WDHD1: variants seen among roughly 807,000 people sequenced by gnomAD.
The protein encoded by WDHD1 is WD repeat and HMG-box DNA-binding protein 1.
In WDHD1, 111 loss-of-function variants were observed where a neutral mutation model predicts 135.4. That is an observed-to-expected ratio of 0.82 (90% CI 0.70 to 0.96). The LOEUF is 0.96. Ranked by LOEUF, WDHD1 falls within the 40% of genes least tolerant of loss-of-function variation. The pLI is 0.00. For synonymous variants in WDHD1, 434 were observed against 439.0 expected, an observed-to-expected ratio of 0.99 and a Z score of 0.14; for missense variants, 1,351 against 1,336.3, an observed-to-expected ratio of 1.01 and a Z score of -0.17.
chr14:55,009,521 T>G (rs992029958), intron 4 of WDHD1, among the ~76,000 whole-genome samples: 21 of 151,484 alleles, frequency 1.4e-4, no homozygotes, highest in African/African-American at 4.9e-4. Context: ...AACCTCTGTC[T>G]CCCGGGTTCA....
chr14:54,997,831 A>C (rs958013864), intron 10 of WDHD1, among the ~76,000 whole-genome samples: 4 of 151,322 alleles, frequency 2.6e-5, no homozygotes, highest in Admixed American at 2.0e-4. Context: ...GAATCACTTG[A>C]ACCCGGGAAG....
intron 16 of WDHD1, among the ~76,000 whole-genome samples, 185 bp from the exon 17 acceptor site, chr14:54,967,579 C>T (rs1040662241): frequency 2.0e-5 from 3 of 152,126 alleles, no homozygotes; most frequent in African/African-American, 7.2e-5. Flanking sequence ...AAGACTATCC[C>T]TACATGCATT....
At chr14:55,020,026 G>C (rs192513823) in intron 2 of WDHD1, among the ~76,000 whole-genome samples, 40 of 152,236 alleles carry the variant, frequency 2.6e-4, no homozygotes, top group African/African-American at 8.9e-4. Context: ...TCCCTAATCT[G>C]ACCACCTCTT....
intron 18 of WDHD1, among the ~76,000 whole-genome samples, chr14:54,963,631 C>T (rs948643761): frequency 1.2e-4 from 18 of 151,954 alleles, no homozygotes; most frequent in Non-Finnish European, 2.1e-4. Flanking sequence ...GGCAAAACCC[C>T]GTCTCTACTA....
At position 54,987,430 on chromosome 14, in the gene WDHD1, A is replaced by C. The variant is rs757471082; in HGVS notation, c.1527-43T>G. The C allele has an allele frequency of 1.9e-5, 29 of 1,496,176 alleles. 1 individual carries two copies. The Middle Eastern group carries it at 7.3e-4, about 38-fold the overall frequency. The allele number at this position is 1,496,176 out of a possible 1,614,324, so 92.7% of individuals were successfully genotyped here. Reference sequence around the variant, plus strand: ...ACAGAAACAATCAAACTTTCATATGATATTTACATATATATATATATAAGC... The same window carrying C: ...ACAGAAACAATCAAACTTTCATATGCTATTTACATATATATATATATAAGC... On this transcript the variant is annotated intron_variant, in intron 13 of 25. Coordinates refer to ENST00000360586, the MANE Select transcript of WDHD1 (RefSeq NM_007086.4).
At chr14:55,013,190 G>A (rs1305786460) in intron 3 of WDHD1, among the ~76,000 whole-genome samples, 18 of 51,266 alleles carry the variant, frequency 3.5e-4, no homozygotes, top group African/African-American at 2.3e-3. Flanking sequence ...GCAAGATCCC[G>A]TTTCAAAAAA....
intron 21 of WDHD1, among the ~76,000 whole-genome samples, chr14:54,962,009 G>A (rs113449411): frequency 1.3e-5 from 2 of 152,202 alleles, no homozygotes; most frequent in African/African-American, 4.8e-5. Context: ...GCTAATTTTT[G>A]TATTTTTAGT....
At chr14:55,011,468 G>A (rs1244690573) in intron 3 of WDHD1, among the ~76,000 whole-genome samples, 1 of 142,924 alleles carries the variant, frequency 7.0e-6, no homozygotes, top group Non-Finnish European at 1.5e-5. Context: ...CGGTTGCAGT[G>A]AGCTGAGACT....
intron 10 of WDHD1, among the ~76,000 whole-genome samples, chr14:54,998,259 C>A (rs902248672): frequency 1.3e-5 from 2 of 151,638 alleles, no homozygotes; most frequent in Non-Finnish European, 2.9e-5. Context: ...ATGATGAAGG[C>A]GATAAAATGT....
In WDHD1 at chr14:54,962,963, C is replaced by G; in HGVS notation, c.2520G>C (p.Lys840Asn). ...EEEEEEDFRK[K>N]LNAGYSNTAT... ...AAATTATTTCTTACCCAGCATTCAG[C>G]TTTTTTCTGAAATCTTCTTCTTCTT... Residue 840 changes from lysine (K) to asparagine (N), a missense_variant, in exon 19 of 26, where the codon AAG becomes AAC. By Grantham distance (94) the Lys-to-Asn change is moderately conservative. Around this residue, in one of 2 missense-constraint regions of WDHD1, gnomAD observed 1,330 missense variants for 1,296.1 expected, o/e 1.03. Transcript: ENST00000360586. 6.2e-7 allele frequency: 1 copy of G among 1,613,880 alleles called. No homozygotes were observed. The highest frequency in any genetic ancestry group is 2.2e-5 in the East Asian group (1 of 44,852).
intron 7 of WDHD1, among the ~76,000 whole-genome samples, chr14:55,005,839 C>A (rs550550138): frequency 4.8e-4 from 72 of 149,472 alleles, no homozygotes; most frequent in African/African-American, 1.6e-3. Context: ...ACTTTGTTTT[C>A]TTTTTTTTTT....
At chr14:54,975,352 A>AT (rs796651921) in intron 16 of WDHD1, among the ~76,000 whole-genome samples, 6,673 of 146,134 alleles carry the variant, frequency 0.046, 471 homozygotes, top group African/African-American at 0.16. Context: ...CATATTCATA[A>AT]TTTTTTTTTT....
In WDHD1 at chr14:54,957,478, A is replaced by G; in HGVS notation, c.2745+114T>C. 6.0e-6 allele frequency: 6 copies of G among 1,002,756 alleles called. 1 individual carries two copies. The South Asian group carries it at 1.1e-4, about 18-fold the overall frequency. 62.1% of individuals were successfully genotyped at this position (1,002,756 alleles called of 1,614,324 possible). A position where few individuals can be genotyped will look rare whatever the true frequency, so the allele number is the denominator to read the frequency against. On this transcript the variant is annotated intron_variant, in intron 22 of 25. Transcript: ENST00000360586. ...AAGTGCTGCTTTCTTCTGTTTCCAC[A>G]CAGATCAGTCTTTCATGCCTCCAAG...
At position 54,963,110 on chromosome 14, in the gene WDHD1, A is replaced by G. The variant is rs766341358; in HGVS notation, c.2373T>C (p.Asn791=). 3 of 1,434,162 alleles carry G rather than the reference A, an allele frequency of 2.1e-6. No homozygotes were observed. Among genetic ancestry groups the G allele is most frequent in the Non-Finnish European group, 2.8e-6 (3 of 1,072,670 alleles). The allele number at this position is 1,434,162 out of a possible 1,614,324, so 88.8% of individuals were successfully genotyped here. ...CVELADLMTQ[N]AVNLAIKYAS... ...CATATTTAATGGCTAAATTCACAGC[A>G]TTTTGAGTCATTAGATCAGCAAGTT... is the stretch of plus-strand genomic sequence containing the variant. The change falls in exon 19 of 26, where the codon AAT becomes AAC. Residue 791 remains asparagine, a synonymous_variant. Transcript: ENST00000360586.
intron 10 of WDHD1, 83 bp from the exon 11 acceptor site, chr14:54,995,896 G>T: frequency 9.1e-7 from 1 of 1,093,878 alleles, no homozygotes; most frequent in Non-Finnish European, 1.3e-6. Flanking sequence ...CTTTTAATAT[G>T]CACCTATAAA....
Position 54,941,520 on chromosome 14 carries a change from T to A in WDHD1, c.3360A>T (p.Lys1120Asn). ...CCTGCTTAAATGCAAAAGCTGATAG[T>A]TTCTGATTTGTAGAAAAATCTAAAG... ...QKPLDFSTNQKLSAFAFKQE is the reference protein window; with the variant it reads ...QKPLDFSTNQNLSAFAFKQE The change falls in exon 26 of 26, where the codon AAA (lysine) becomes AAT (asparagine). Residue 1120 changes from lysine (K) to asparagine (N), a missense_variant. This residue lies in a region of WDHD1 where 1,330 missense variants were observed against 1,296.1 expected (regional missense o/e 1.03). Coordinates refer to ENST00000360586, the MANE Select transcript of WDHD1 (RefSeq NM_007086.4). 6.2e-7 allele frequency: 1 copy of A among 1,612,980 alleles called. No homozygotes were observed. Among genetic ancestry groups the A allele is most frequent in the South Asian group, 1.1e-5 (1 of 90,782 alleles).
intron 3 of WDHD1, among the ~76,000 whole-genome samples, chr14:55,011,932 T>C (rs1293342647): frequency 1.3e-5 from 2 of 152,194 alleles, no homozygotes; most frequent in East Asian, 1.9e-4. Context: ...CTTTTCCACA[T>C]AAACTTGAAA....
chr14:54,960,356 G>C (rs547480546), intron 21 of WDHD1, among the ~76,000 whole-genome samples: 2 of 151,320 alleles, frequency 1.3e-5, no homozygotes, highest in African/African-American at 4.9e-5. Context: ...TTTTAGTAGA[G>C]ACGGGGTTTC....
intron 18 of WDHD1, 46 bp downstream of exon 18, chr14:54,966,429 G>C: frequency 6.4e-7 from 1 of 1,563,562 alleles, no homozygotes; most frequent in South Asian, 1.2e-5. Context: ...TCAACCTATA[G>C]AAAAGCATTT....
Sources: gnomAD v4.1 joint callset for allele counts (sites outside exome capture counted in the v4.1 genomes callset) on GRCh38, gnomAD v4.1.1 for gene constraint, gnomAD v4.1.1 regional missense constraint, MANE v1.5 for transcripts, NCBI Gene and HGNC (gene_info 2026-07-23, HGNC 2026-07-21) for gene names.